The following CNTNAP2 variants were observed in gnomAD, a reference collection of about 807,000 sequenced individuals.
CNTNAP2 encodes contactin associated protein 2.
CNTNAP2 carries 98 observed loss-of-function variants against 155.2 expected under a neutral mutation model. That is an observed-to-expected ratio of 0.63 (90% CI 0.54 to 0.75). CNTNAP2 has a LOEUF of 0.75. CNTNAP2 is among the 30% of genes least tolerant of loss of function. The pLI, the probability that CNTNAP2 is intolerant of heterozygous loss-of-function variation, is 0.00. For synonymous variants in CNTNAP2, 651 were observed against 631.2 expected (o/e 1.03, Z -0.47); for missense variants, 1,727 against 1,688.1 (o/e 1.02, Z -0.40).
chr7:148,390,967 C>T (rs971110858), intron 22 of CNTNAP2, among the ~76,000 whole-genome samples: 11 of 152,134 alleles, frequency 7.2e-5, no homozygotes, highest in Admixed American at 3.9e-4. Flanking sequence ...GATAGGGGGT[C>T]GCCATTATGG....
intron 1 of CNTNAP2, among the ~76,000 whole-genome samples, chr7:146,583,031 G>A (rs1163338593): frequency 2.0e-5 from 3 of 151,840 alleles, no homozygotes; most frequent in Non-Finnish European, 4.4e-5. Context: ...TCTTGGAGAT[G>A]GTTATCTTGT....
intron 13 of CNTNAP2, among the ~76,000 whole-genome samples, chr7:147,812,148 T>A (rs926856720): frequency 6.6e-6 from 1 of 151,944 alleles, no homozygotes; most frequent in African/African-American, 2.4e-5. Context: ...TGTGACTATG[T>A]GGGGGAAGAA....
At chr7:146,581,597 A>T (rs1026043034) in intron 1 of CNTNAP2, among the ~76,000 whole-genome samples, 2 of 152,024 alleles carry the variant, frequency 1.3e-5, no homozygotes, top group African/African-American at 4.8e-5. Flanking sequence ...TAAAATGGTT[A>T]TCAAAGGTCA....
intron 2 of CNTNAP2, among the ~76,000 whole-genome samples, chr7:146,788,819 C>T (rs1194552229): frequency 1.3e-5 from 2 of 151,446 alleles, no homozygotes; most frequent in South Asian, 2.1e-4. Flanking sequence ...AAGACATCCA[C>T]GTGTTTTTTT....
At chr7:146,642,413 G>T (rs1159056451) in intron 1 of CNTNAP2, among the ~76,000 whole-genome samples, 3 of 148,910 alleles carry the variant, frequency 2.0e-5, no homozygotes, top group African/African-American at 5.0e-5. Context: ...GCAGTGTTTG[G>T]TTTTTTGTTC....
intron 18 of CNTNAP2, among the ~76,000 whole-genome samples, chr7:148,188,318 G>A (rs552384076): frequency 3.3e-5 from 5 of 152,284 alleles, no homozygotes; most frequent in South Asian, 4.1e-4. Context: ...CAATGTGGAC[G>A]GAATTGAAAT....
At chr7:146,744,227 C>CAAAAAAAAA (rs60606492) in intron 1 of CNTNAP2, among the ~76,000 whole-genome samples, 2 of 48,156 alleles carry the variant, frequency 4.2e-5, no homozygotes, top group African/African-American at 7.1e-5. Flanking sequence ...CACTCTGTCT[C>CAAAAAAAAA]AAAAAAAAAA....
chr7:147,448,482 G>GTATATA (rs10635826), intron 10 of CNTNAP2, among the ~76,000 whole-genome samples: 1,072 of 103,276 alleles, frequency 0.01, 4 homozygotes, highest in South Asian at 0.018. Context: ...ATGTGTGTGT[G>GTATATA]TGTATATATA....
chr7:147,306,477 T>C (rs534191210), intron 9 of CNTNAP2, among the ~76,000 whole-genome samples: 5 of 152,292 alleles, frequency 3.3e-5, no homozygotes, highest in African/African-American at 1.2e-4. Flanking sequence ...GGAAACCAAT[T>C]TTAAAATTCT....
At chr7:147,312,777 A>C (rs1454985246) in intron 9 of CNTNAP2, among the ~76,000 whole-genome samples, 1 of 119,328 alleles carries the variant, frequency 8.4e-6, no homozygotes, top group African/African-American at 3.9e-5. Context: ...GTATCTACCC[A>C]GTAATAGGAT....
At chr7:146,894,461 G>C (rs1408190166) in intron 3 of CNTNAP2, among the ~76,000 whole-genome samples, 1 of 151,846 alleles carries the variant, frequency 6.6e-6, no homozygotes, top group African/African-American at 2.4e-5. Flanking sequence ...TCTTGTTTTT[G>C]TTTTGTTTTG....
Position 148,383,632 on chromosome 7 carries a change from T to A in CNTNAP2, c.3476-17T>A. Reference sequence around the variant, plus strand: ...ATGGTGAGTCAAGTAACATTTTCATTTCTTTTTTTCTTTTAGAAACAGGGA... The same window carrying A: ...ATGGTGAGTCAAGTAACATTTTCATATCTTTTTTTCTTTTAGAAACAGGGA... On this transcript the variant is annotated splice_polypyrimidine_tract_variant and intron_variant, in intron 21 of 23. Transcript: ENST00000361727. The A allele has an allele frequency of 6.2e-7, 1 of 1,614,176 alleles. No homozygotes were observed. The highest frequency in any genetic ancestry group is 8.5e-7 in the Non-Finnish European group (1 of 1,180,046).
At chr7:146,959,859 A>T (rs1797520666) in intron 3 of CNTNAP2, among the ~76,000 whole-genome samples, 1 of 152,180 alleles carries the variant, frequency 6.6e-6, no homozygotes, top group African/African-American at 2.4e-5. Flanking sequence ...TGGGACTTAG[A>T]TTGTCAAGCT....
At chr7:147,921,823 A>G (rs1452311873) in intron 14 of CNTNAP2, among the ~76,000 whole-genome samples, 1 of 152,222 alleles carries the variant, frequency 6.6e-6, no homozygotes, top group Non-Finnish European at 1.5e-5. Flanking sequence ...TAGACAAGGA[A>G]AGAGGCAGAT....
intron 11 of CNTNAP2, among the ~76,000 whole-genome samples, chr7:147,532,122 A>G (rs1448339499): frequency 6.6e-6 from 1 of 152,134 alleles, no homozygotes; most frequent in East Asian, 1.9e-4. Context: ...TTTCTTTTCT[A>G]TCACATAGTC....
intron 12 of CNTNAP2, among the ~76,000 whole-genome samples, chr7:147,608,992 G>A (rs151142520): frequency 6.6e-5 from 10 of 152,152 alleles, no homozygotes; most frequent in African/African-American, 1.7e-4. Flanking sequence ...GGCAGGAACC[G>A]GCCATTTTCA....
chr7:148,109,479 G>A (rs1804297974), intron 15 of CNTNAP2, among the ~76,000 whole-genome samples: 1 of 152,120 alleles, frequency 6.6e-6, no homozygotes, highest in Non-Finnish European at 1.5e-5. Context: ...CCGCTTCCCA[G>A]GTTCAAGTGA....
intron 10 of CNTNAP2, among the ~76,000 whole-genome samples, chr7:147,398,964 G>C (rs1796868054): frequency 6.6e-6 from 1 of 151,860 alleles, no homozygotes; most frequent in Admixed American, 6.6e-5. Flanking sequence ...TCAAGGTGTT[G>C]AGTTGTAGTT....
intron 3 of CNTNAP2, among the ~76,000 whole-genome samples, chr7:146,858,580 G>C (rs1795037481): frequency 6.6e-6 from 1 of 152,166 alleles, no homozygotes; most frequent in African/African-American, 2.4e-5. Flanking sequence ...TGTAGTTCCA[G>C]CTCCTCATGA....
Sources: gnomAD v4.1 joint callset for allele counts (sites outside exome capture counted in the v4.1 genomes callset) on GRCh38, gnomAD v4.1.1 for gene constraint, MANE v1.5 for transcripts, NCBI Gene and HGNC (gene_info 2026-07-23, HGNC 2026-07-21) for gene names.